Variants in RERG observed in about 807,000 individuals in gnomAD.
RERG encodes ras-related and estrogen-regulated growth inhibitor.
A neutral mutation model predicts 23.2 loss-of-function variants in RERG; 25 were observed. That is an observed-to-expected ratio of 1.08 (90% CI 0.79 to 1.50). The LOEUF is 1.50. Among genes scored for constraint, RERG ranks in the 40% most tolerant of loss-of-function variants. RERG has a pLI of 0.00. For synonymous variants in RERG, 81 were observed against 89.1 expected (o/e 0.91, Z 0.51); for missense variants, 253 against 250.1 (o/e 1.01, Z -0.08).
intron 2 of RERG, among the ~76,000 whole-genome samples, chr12:15,169,120 C>G (rs1864737180): frequency 1.3e-5 from 2 of 152,108 alleles, no homozygotes; most frequent in Non-Finnish European, 2.9e-5. Flanking sequence ...ATGATAAGTG[C>G]AAACTTAAAC....
intron 2 of RERG, among the ~76,000 whole-genome samples, chr12:15,200,407 C>T (rs948002032): frequency 6.6e-6 from 1 of 152,002 alleles, no homozygotes; most frequent in East Asian, 1.9e-4. Flanking sequence ...TAATCAGTTA[C>T]AGAATGAAAA....
chr12:15,216,108 C>G (rs1284847067), intron 2 of RERG, among the ~76,000 whole-genome samples: 1 of 152,192 alleles, frequency 6.6e-6, no homozygotes, highest in Non-Finnish European at 1.5e-5. Flanking sequence ...CCCACACTGC[C>G]TTCCCTCCAT....
chr12:15,183,840 C>T (rs573873022), intron 2 of RERG, among the ~76,000 whole-genome samples: 66 of 152,290 alleles, frequency 4.3e-4, no homozygotes, highest in African/African-American at 1.4e-3. Context: ...TAACCTGTCA[C>T]GAACCCAGCT....
chr12:15,169,745 T>C (rs1304170284), intron 2 of RERG, among the ~76,000 whole-genome samples: 1 of 152,202 alleles, frequency 6.6e-6, no homozygotes, highest in African/African-American at 2.4e-5. Flanking sequence ...AGAAATTTAT[T>C]TTTATGAGTT....
At chr12:15,166,452 G>T (rs542647018) in intron 2 of RERG, among the ~76,000 whole-genome samples, 106 of 152,002 alleles carry the variant, frequency 7.0e-4, no homozygotes, top group Admixed American at 2.4e-3. Context: ...AAGGCACTCT[G>T]AGCTTCAGTC....
intron 2 of RERG, among the ~76,000 whole-genome samples, chr12:15,183,705 T>A (rs1864955419): frequency 6.6e-6 from 1 of 152,202 alleles, no homozygotes; most frequent in Non-Finnish European, 1.5e-5. Flanking sequence ...TATATTATTT[T>A]AGAAAAATAA....
chr12:15,198,523 A>G (rs565916640), intron 2 of RERG, among the ~76,000 whole-genome samples: 19 of 152,250 alleles, frequency 1.2e-4, no homozygotes, highest in African/African-American at 4.3e-4. Context: ...TTCTTGTTTA[A>G]TTTCAGTATA....
intron 3 of RERG, among the ~76,000 whole-genome samples, chr12:15,116,672 G>T (rs575996975): frequency 6.6e-6 from 1 of 151,606 alleles, no homozygotes; most frequent in Non-Finnish European, 1.5e-5. Flanking sequence ...TTTTCTCTAC[G>T]TGTAAAACAA....
At chr12:15,188,661 G>A (rs887695531) in intron 2 of RERG, among the ~76,000 whole-genome samples, 1 of 152,106 alleles carries the variant, frequency 6.6e-6, no homozygotes, top group Non-Finnish European at 1.5e-5. Context: ...CATAACAGGT[G>A]GACATGATGT....
At chr12:15,184,998 C>G (rs1418946796) in intron 2 of RERG, among the ~76,000 whole-genome samples, 1 of 152,180 alleles carries the variant, frequency 6.6e-6, no homozygotes, top group African/African-American at 2.4e-5. Context: ...AGACTAAGCA[C>G]TGCATAAATA....
rs563611934 is a variant in RERG at position 15,161,226 on chromosome 12, G to C, written c.62-40107C>G. Among the ~76,000 whole-genome samples, 273 of 123,550 alleles carry C rather than the reference G, an allele frequency of 2.2e-3. 4 individuals are homozygous for C. Among genetic ancestry groups the C allele is most frequent in the Middle Eastern group, 0.015 (4 of 268 alleles). 81.1% of individuals were successfully genotyped at this position (123,550 alleles called of 152,430 possible). On this transcript the variant is annotated intron_variant, in intron 2 of 4. Transcript: ENST00000256953. ...AGAAAGAAAGAAAGAAAGAAAGAAA[G>C]AAACAGGGGCATCACTTAGTGTTTT...
chr12:15,145,509 G>A (rs963427329), intron 2 of RERG, among the ~76,000 whole-genome samples: 2 of 152,250 alleles, frequency 1.3e-5, no homozygotes, highest in East Asian at 1.9e-4. Context: ...TGCAAATGGG[G>A]CCCGGGGTGT....
chr12:15,126,913 T>A (rs1292032127), intron 2 of RERG, among the ~76,000 whole-genome samples: 1 of 151,948 alleles, frequency 6.6e-6, no homozygotes, highest in Admixed American at 6.6e-5. Flanking sequence ...AGAGACAGAG[T>A]TTCACCGTGT....
chr12:15,120,058 T>C (rs180936258), intron 3 of RERG, among the ~76,000 whole-genome samples: 1 of 152,270 alleles, frequency 6.6e-6, no homozygotes, highest in Non-Finnish European at 1.5e-5. Context: ...AAGATTGCAT[T>C]GGAAGTAGTG....
intron 2 of RERG, among the ~76,000 whole-genome samples, chr12:15,128,715 G>A (rs923668879): frequency 6.6e-5 from 10 of 152,168 alleles, no homozygotes; most frequent in Non-Finnish European, 1.2e-4. Context: ...TAAAATAGGA[G>A]TAATGTGTAT....
intron 2 of RERG, among the ~76,000 whole-genome samples, chr12:15,201,457 T>C (rs1438946805): frequency 6.6e-6 from 1 of 151,652 alleles, no homozygotes; most frequent in African/African-American, 2.4e-5. Flanking sequence ...GTAGTTCTGA[T>C]GAATTTATGA....
chr12:15,121,170 G>A, intron 2 of RERG, 51 bp from the exon 3 acceptor site: 3 of 1,407,254 alleles, frequency 2.1e-6, no homozygotes, highest in Non-Finnish European at 3.0e-6. Flanking sequence ...AATTTGCTTA[G>A]CACACCTATC....
At chr12:15,163,673 G>A (rs1157239985) in intron 2 of RERG, among the ~76,000 whole-genome samples, 1 of 152,146 alleles carries the variant, frequency 6.6e-6, no homozygotes, top group African/African-American at 2.4e-5. Context: ...GGAGATGGAA[G>A]GCAACAGGAG....
chr12:15,114,070 A>T (rs1863673556), intron 3 of RERG, among the ~76,000 whole-genome samples: 1 of 152,076 alleles, frequency 6.6e-6, no homozygotes, highest in African/African-American at 2.4e-5. Flanking sequence ...AGAACCAATA[A>T]GAAAAGAATT....
Sources: allele counts gnomAD v4.1 joint callset (sites outside exome capture counted in the v4.1 genomes callset), GRCh38; gene constraint gnomAD v4.1.1; transcripts MANE v1.5; gene names NCBI Gene and HGNC (gene_info 2026-07-23, HGNC 2026-07-21).